Variants in KCNH1 observed in about 807,000 individuals in gnomAD.
KCNH1 encodes the protein voltage-gated delayed rectifier potassium channel KCNH1.
Under a neutral mutation model 69.2 loss-of-function variants are expected in KCNH1, and 27 were observed. The observed-to-expected ratio is 0.39, with a 90% CI of 0.29 to 0.54. The LOEUF (loss-of-function observed/expected upper bound fraction) is 0.54, where lower values mean the gene tolerates loss of function less well. Among genes scored for constraint, KCNH1 ranks in the 20% least tolerant of loss-of-function variants. The probability of loss-of-function intolerance (pLI) is 0.68; values close to 1 mark genes in which losing one functional copy is unlikely to be tolerated. For missense variants in KCNH1, 798 were observed against 1,261.6 expected, an observed-to-expected ratio of 0.63 and a Z score of 5.57; for synonymous variants, 456 against 487.7, an observed-to-expected ratio of 0.93 and a Z score of 0.86.
chr1:210,683,480 G>T lies in KCNH1; in HGVS notation c.2771C>A (p.Ala924Asp). ...FYPIPEQTLQ[A>D]TVLEVRHELK... is the part of the protein sequence containing the mutation. ...CTCGTGCCTCACCTCCAGGACTGTG[G>T]CCTGCAGCGTCTGCTCAGGGATGGG... is the stretch of plus-strand genomic sequence containing the variant. Residue 924 changes from alanine to aspartate, a missense_variant, in exon 11 of 11, where the codon GCC becomes GAC. Physicochemically the swap from Ala to Asp is moderately radical, Grantham distance 126. Transcript: ENST00000271751. The surrounding 1 kb of genome is among the most constrained non-coding windows in gnomAD (Gnocchi z 5.7). 1.2e-6 allele frequency: 2 copies of T among 1,614,170 alleles called. No homozygotes were observed. The highest frequency in any genetic ancestry group is 1.7e-6 in the Non-Finnish European group (2 of 1,180,032).
intron 5 of KCNH1, among the ~76,000 whole-genome samples, chr1:211,074,299 T>G (rs1173604775): frequency 6.6e-6 from 1 of 151,330 alleles, no homozygotes; most frequent in African/African-American, 2.4e-5. Context: ...TGGTATAAAT[T>G]TATATATATA....
At chr1:211,095,263 A>C (rs1345406470) in intron 3 of KCNH1, among the ~76,000 whole-genome samples, 5 of 152,012 alleles carry the variant, frequency 3.3e-5, no homozygotes, top group Non-Finnish European at 7.3e-5. Flanking sequence ...CTACTGCAAA[A>C]AGGACAACGG....
At chr1:210,751,723 G>A (rs1406167277) in intron 10 of KCNH1, among the ~76,000 whole-genome samples, 1 of 152,114 alleles carries the variant, frequency 6.6e-6, no homozygotes, top group Non-Finnish European at 1.5e-5. Flanking sequence ...AGGCTGAGTG[G>A]AAATTTAGCT....
intron 10 of KCNH1, among the ~76,000 whole-genome samples, chr1:210,755,599 A>C (rs1388989988): frequency 5.3e-5 from 8 of 152,256 alleles, no homozygotes; most frequent in African/African-American, 1.2e-4. Flanking sequence ...TGAGGTTTGC[A>C]AAGGCATCTG....
rs370915167 is a variant in KCNH1 at position 210,679,104 on chromosome 1, T to A, written c.*4177A>T. The A allele has an allele frequency of 3.9e-5, 6 of 152,366 alleles. No homozygotes were observed. In the East Asian group the frequency reaches 5.8e-4, roughly 15 times the overall value. The allele number at this position is 152,366 out of a possible 1,614,324, so 9.4% of individuals were successfully genotyped here. A position where few individuals can be genotyped will look rare whatever the true frequency, so the allele number is the denominator to read the frequency against. ...CACCTTTGGTGAGAAAATGTTTTTT[T>A]CTCTGATGTTTGCAGTCAGTGCTGA... On this transcript the variant is annotated 3_prime_UTR_variant, in exon 11 of 11. Transcript: ENST00000271751.
intron 7 of KCNH1, among the ~76,000 whole-genome samples, chr1:210,886,979 T>C (rs1686624398): frequency 6.6e-6 from 1 of 152,174 alleles, no homozygotes; most frequent in Admixed American, 6.5e-5. Context: ...CTCTTCAGGA[T>C]ATTATACAAG....
chr1:210,755,908 C>T (rs1269065819), intron 10 of KCNH1, among the ~76,000 whole-genome samples: 2 of 152,182 alleles, frequency 1.3e-5, no homozygotes, highest in Non-Finnish European at 2.9e-5. Flanking sequence ...ACATCCTTAA[C>T]TTTACATAAT....
At chr1:210,826,038 G>A (rs766042519) in intron 7 of KCNH1, among the ~76,000 whole-genome samples, 1 of 151,948 alleles carries the variant, frequency 6.6e-6, no homozygotes, top group Non-Finnish European at 1.5e-5. Flanking sequence ...TATGTCTGCT[G>A]AATCTAATAA....
At chr1:210,906,304 T>C (rs577608204) in intron 7 of KCNH1, among the ~76,000 whole-genome samples, 1 of 152,326 alleles carries the variant, frequency 6.6e-6, no homozygotes, top group East Asian at 1.9e-4. Flanking sequence ...CATGTCTGGC[T>C]GCCAGGGAAT....
At chr1:210,696,860 C>T (rs1334071759) in intron 10 of KCNH1, among the ~76,000 whole-genome samples, 1 of 152,214 alleles carries the variant, frequency 6.6e-6, no homozygotes, top group Non-Finnish European at 1.5e-5. Flanking sequence ...TTATCCAAGT[C>T]TATCTTAGAA....
At chr1:210,944,844 A>G (rs1007043592) in intron 6 of KCNH1, among the ~76,000 whole-genome samples, 3 of 152,178 alleles carry the variant, frequency 2.0e-5, no homozygotes, top group Non-Finnish European at 2.9e-5. Context: ...TACAACCATC[A>G]CCACTATTCA....
intron 6 of KCNH1, among the ~76,000 whole-genome samples, chr1:210,956,409 G>A (rs1243458941): frequency 6.6e-6 from 1 of 152,072 alleles, no homozygotes; most frequent in African/African-American, 2.4e-5. Flanking sequence ...GGATGATGCT[G>A]GCTTCATAAA....
intron 7 of KCNH1, among the ~76,000 whole-genome samples, chr1:210,849,486 C>A (rs1235253102): frequency 6.6e-6 from 1 of 151,750 alleles, no homozygotes; most frequent in East Asian, 1.9e-4. Context: ...CATGCCTCAG[C>A]CTCCTGGGTA....
rs1375170215 is a variant in KCNH1, at chr1:210,683,974, C to G, written c.2277G>C (p.Arg759=). The change falls in exon 11 of 11, where the codon CGG becomes CGC. Residue 759 remains arginine (R), a synonymous_variant. Transcript: ENST00000271751. The surrounding 1 kb of genome is among the most constrained non-coding windows in gnomAD (Gnocchi z 5.7). ...EARLAAERGG[R]DLDDLDVEKG... ...TCTCCACATCTAGGTCATCCAGGTC[C>G]CGGCCCCCTCTCTCAGCTGCCAGCC... 1 of 1,600,964 alleles carries G rather than the reference C, an allele frequency of 6.2e-7. No homozygotes were observed. Among genetic ancestry groups the G allele is most frequent in the East Asian group, 2.2e-5 (1 of 44,502 alleles).
At chr1:210,876,967 G>A (rs1002585071) in intron 7 of KCNH1, among the ~76,000 whole-genome samples, 2 of 151,394 alleles carry the variant, frequency 1.3e-5, no homozygotes, top group Non-Finnish European at 2.9e-5. Context: ...GCCTACCCAA[G>A]CATTTAACCT....
chr1:211,054,529 A>C (rs191077396), intron 5 of KCNH1, among the ~76,000 whole-genome samples: 185 of 152,290 alleles, frequency 1.2e-3, no homozygotes, highest in African/African-American at 4.2e-3. Flanking sequence ...TAAAATATAT[A>C]TTGATAAATC....
intron 7 of KCNH1, among the ~76,000 whole-genome samples, chr1:210,867,379 G>A (rs1005770695): frequency 2.7e-5 from 4 of 146,604 alleles, no homozygotes; most frequent in South Asian, 2.1e-4. Flanking sequence ...ATATATATAT[G>A]TGTCCAAAGC....
chr1:210,860,638 T>C, intron 7 of KCNH1: 2 of 790,272 alleles, frequency 2.5e-6, no homozygotes, highest in Non-Finnish European at 4.6e-6. Context: ...TGTTATAATA[T>C]GAAGAAGAGC....
chr1:210,755,066 G>A (rs1468187704), intron 10 of KCNH1, among the ~76,000 whole-genome samples: 2 of 152,100 alleles, frequency 1.3e-5, no homozygotes, highest in African/African-American at 2.4e-5. Flanking sequence ...TGACAAAGGG[G>A]CAGCTGCTTA....
Sources: gnomAD v4.1 joint callset for allele counts (sites outside exome capture counted in the v4.1 genomes callset) on GRCh38, gnomAD v4.1.1 for gene constraint, Gnocchi (gnomAD v3.1) non-coding constraint, MANE v1.5 for transcripts, NCBI Gene and HGNC (gene_info 2026-07-23, HGNC 2026-07-21) for gene names.